The following DSTYK variants were observed in gnomAD, a reference collection of about 807,000 sequenced individuals.
The protein encoded by DSTYK is RIP-homologous kinase.
A neutral mutation model predicts 98.7 loss-of-function variants in DSTYK; 34 were observed. The observed-to-expected ratio is 0.34, with a 90% CI of 0.26 to 0.46. DSTYK has a LOEUF of 0.46. DSTYK is among the 20% of genes least tolerant of loss of function. DSTYK has a pLI of 1.00. For missense variants in DSTYK, 962 were observed against 1,181.7 expected (o/e 0.81, Z 2.73); for synonymous variants, 462 against 457.3 (o/e 1.01, Z -0.13).
intron 1 of DSTYK, among the ~76,000 whole-genome samples, chr1:205,196,010 T>C (rs1280070910): frequency 6.6e-6 from 1 of 152,184 alleles, no homozygotes; most frequent in Non-Finnish European, 1.5e-5. Context: ...TGGAACGCAG[T>C]GTATAACAGT....
At chr1:205,162,326 T>A in intron 5 of DSTYK, 114 bp from the exon 6 acceptor site, 1 of 1,270,520 alleles carries the variant, frequency 7.9e-7, no homozygotes, top group Non-Finnish European at 1.1e-6. Flanking sequence ...GCTCATAAGA[T>A]GGGAGCCATA....
chr1:205,169,851 C>T lies in DSTYK; in HGVS notation c.655-19G>A, dbSNP rs1294763170. 6.3e-7 allele frequency: 1 copy of T among 1,592,708 alleles called. No homozygotes were observed. The highest frequency in any genetic ancestry group is 2.2e-5 in the East Asian group (1 of 44,700). ...CCACTTCCTGGAAGGGGAAGGGGGT[C>T]ATATATCAGCGCCTCAGGGTCAGAA... On this transcript the variant is annotated intron_variant, in intron 2 of 12. Transcript: ENST00000367162. This position sits in a 1 kb window ranked among gnomAD's most constrained non-coding sequence, Gnocchi z 4.0.
intron 1 of DSTYK, chr1:205,202,300 A>C: frequency 4.5e-6 from 3 of 665,672 alleles, no homozygotes; most frequent in Non-Finnish European, 8.6e-6. Context: ...CAGGCCATCA[A>C]GGGTATGCAT....
intron 1 of DSTYK, among the ~76,000 whole-genome samples, chr1:205,209,245 A>C (rs1244370456): frequency 6.6e-6 from 1 of 152,244 alleles, no homozygotes; most frequent in Non-Finnish European, 1.5e-5. Flanking sequence ...TAGTTGTTTT[A>C]AAATAAAAAC....
chr1:205,170,220 G>A (rs904166467), intron 2 of DSTYK, among the ~76,000 whole-genome samples: 7 of 152,048 alleles, frequency 4.6e-5, no homozygotes, highest in African/African-American at 1.4e-4. Flanking sequence ...AGTCGACCTG[G>A]GGCACTCCTC....
intron 1 of DSTYK, among the ~76,000 whole-genome samples, chr1:205,191,563 C>G (rs1388110299): frequency 1.3e-5 from 2 of 152,188 alleles, no homozygotes; most frequent in African/African-American, 4.8e-5. Context: ...CAGGTTTTAA[C>G]TGCTGAAAGA....
intron 1 of DSTYK, among the ~76,000 whole-genome samples, chr1:205,206,900 C>T (rs183955130): frequency 3.0e-4 from 45 of 152,028 alleles, no homozygotes; most frequent in Non-Finnish European, 5.4e-4. Context: ...CATAGATTCA[C>T]TCCCAAGAAC....
intron 1 of DSTYK, among the ~76,000 whole-genome samples, chr1:205,200,067 C>T (rs888125856): frequency 2.6e-5 from 4 of 151,972 alleles, no homozygotes; most frequent in African/African-American, 4.8e-5. Context: ...GACAGAGTCT[C>T]GCTCTGTCAC....
intron 3 of DSTYK, among the ~76,000 whole-genome samples, chr1:205,166,866 A>C (rs1036311399): frequency 6.6e-6 from 1 of 152,198 alleles, no homozygotes; most frequent in African/African-American, 2.4e-5. Flanking sequence ...ACCATCATTC[A>C]CACACTCATT....
At chr1:205,193,272 G>T (rs915508702) in intron 1 of DSTYK, among the ~76,000 whole-genome samples, 3 of 152,160 alleles carry the variant, frequency 2.0e-5, no homozygotes, top group Non-Finnish European at 4.4e-5. Context: ...AAATACTCGT[G>T]ACCTGTTTCT....
At chr1:205,176,988 T>C (rs763113325) in intron 2 of DSTYK, among the ~76,000 whole-genome samples, 29 of 151,992 alleles carry the variant, frequency 1.9e-4, no homozygotes, top group Non-Finnish European at 3.4e-4. Flanking sequence ...GAAGATCCCC[T>C]TGAGCCCAGG....
intron 2 of DSTYK, among the ~76,000 whole-genome samples, chr1:205,172,301 GTTTT>G: frequency 7.1e-6 from 1 of 140,758 alleles, no homozygotes; most frequent in South Asian, 2.3e-4. Context: ...TTTGTTTGTG[GTTTT>G]TTTTTTTTTT....
At position 205,207,755 on chromosome 1, in the gene DSTYK, C is replaced by CAAAAAAAAAAAAAAAAAA. The variant is rs766036213; in HGVS notation, c.265+3498_265+3515dup. On this transcript the variant is annotated intron_variant, in intron 1 of 12. Coordinates refer to ENST00000367162, the MANE Select transcript of DSTYK (RefSeq NM_015375.3). ...TGGGCAATACAGAGAGACTCTGTCT[C>CAAAAAAAAAAAAAAAAAA]AAAAAAAAAAAAAAAAAAAAAAAAA... Among the ~76,000 whole-genome samples the CAAAAAAAAAAAAAAAAAA allele has an allele frequency of 1.1e-4, 6 of 52,728 alleles. 1 individual carries two copies. The highest frequency in any genetic ancestry group is 1.6e-4 in the Non-Finnish European group (5 of 32,206). The allele number at this position is 52,728 out of a possible 152,430, so 34.6% of individuals were successfully genotyped here. A position where few individuals can be genotyped will look rare whatever the true frequency, so the allele number is the denominator to read the frequency against.
rs547472459 is a variant in DSTYK at position 205,210,897 on chromosome 1, C to T, written c.265+374G>A. 1.1e-4 allele frequency among the ~76,000 whole-genome samples: 16 copies of T among 152,368 alleles called. No individual in the cohort carries two copies. In the East Asian group the frequency reaches 2.9e-3, roughly 28 times the overall value. ...TCTAAACTGGGGCTCTGACCCACAACGGCGCACGCGCCCGCCCCCAACTCA... is the reference window on the plus strand; with the variant it reads ...TCTAAACTGGGGCTCTGACCCACAATGGCGCACGCGCCCGCCCCCAACTCA... On this transcript the variant is annotated intron_variant, in intron 1 of 12. Transcript: ENST00000367162.
intron 2 of DSTYK, among the ~76,000 whole-genome samples, chr1:205,170,983 G>A (rs926201076): frequency 6.6e-5 from 10 of 150,446 alleles, no homozygotes; most frequent in Non-Finnish European, 1.0e-4. Flanking sequence ...TCACAGAACT[G>A]CCATGCCAGC....
At chr1:205,152,031 A>C (rs1657419878) in intron 10 of DSTYK, among the ~76,000 whole-genome samples, 1 of 152,176 alleles carries the variant, frequency 6.6e-6, no homozygotes, top group Admixed American at 6.5e-5. Context: ...TTATTATCAA[A>C]TATTATATAC....
At chr1:205,206,356 C>G (rs1224832196) in intron 1 of DSTYK, among the ~76,000 whole-genome samples, 1 of 151,488 alleles carries the variant, frequency 6.6e-6, no homozygotes, top group Non-Finnish European at 1.5e-5. Context: ...CTCGGCTCAC[C>G]AAAACCTCCG....
intron 2 of DSTYK, among the ~76,000 whole-genome samples, chr1:205,183,722 T>A (rs932827433): frequency 6.6e-6 from 1 of 152,212 alleles, no homozygotes; most frequent in African/African-American, 2.4e-5. Flanking sequence ...CTTGCTGGCA[T>A]GAACAGTCTT....
At chr1:205,158,001 T>C (rs1032589669) in intron 9 of DSTYK, among the ~76,000 whole-genome samples, 1 of 152,160 alleles carries the variant, frequency 6.6e-6, no homozygotes, top group East Asian at 1.9e-4. Flanking sequence ...AGTGACTATT[T>C]CTAGGTCCCT....
Sources: gnomAD v4.1 joint callset for allele counts (sites outside exome capture counted in the v4.1 genomes callset) on GRCh38, gnomAD v4.1.1 for gene constraint, Gnocchi (gnomAD v3.1) non-coding constraint, MANE v1.5 for transcripts, NCBI Gene and HGNC (gene_info 2026-07-23, HGNC 2026-07-21) for gene names.